ACAD11: variants seen among roughly 807,000 people sequenced by gnomAD.
The protein encoded by ACAD11 is acyl-Coenzyme A dehydrogenase family, member 11.
In ACAD11, 83 loss-of-function variants were observed where a neutral mutation model predicts 102.2. That is an observed-to-expected ratio of 0.81 (90% confidence interval 0.68 to 0.97). The LOEUF (loss-of-function observed/expected upper bound fraction) is 0.97, where lower values mean the gene tolerates loss of function less well. ACAD11 is among the 50% of genes least tolerant of loss of function. ACAD11 has a pLI of 0.00. For missense variants in ACAD11, 901 were observed against 951.7 expected, an observed-to-expected ratio of 0.95 and a Z score of 0.70; for synonymous variants, 324 against 319.8, an observed-to-expected ratio of 1.01 and a Z score of -0.14.
At chr3:132,619,429 A>G (rs1939528857) in intron 10 of ACAD11, 39 bp downstream of exon 10, 1 of 1,419,196 alleles carries the variant, frequency 7.0e-7, no homozygotes, top group South Asian at 1.3e-5. Flanking sequence ...CTCAAAAAAC[A>G]CTTGCATATG....
chr3:132,597,727 T>G (rs1421838962), intron 13 of ACAD11, among the ~76,000 whole-genome samples: 3 of 152,104 alleles, frequency 2.0e-5, no homozygotes, highest in African/African-American at 4.8e-5. Flanking sequence ...TTTACTCACA[T>G]TTTTAGTAAG....
At chr3:132,631,240 A>C in intron 6 of ACAD11, 101 bp downstream of exon 6, 1 of 637,630 alleles carries the variant, frequency 1.6e-6, no homozygotes, top group Middle Eastern at 4.7e-4. Flanking sequence ...TTTAAGAAAC[A>C]AAAACTATTA....
At chr3:132,641,248 A>G (rs2107883515) in intron 4 of ACAD11, among the ~76,000 whole-genome samples, 1 of 152,230 alleles carries the variant, frequency 6.6e-6, no homozygotes, top group South Asian at 2.1e-4. Flanking sequence ...CCAATTGAGA[A>G]AGAAAAAACT....
intron 5 of ACAD11, among the ~76,000 whole-genome samples, chr3:132,634,658 A>G (rs576028881): frequency 8.6e-4 from 131 of 152,292 alleles, no homozygotes; most frequent in African/African-American, 3.0e-3. Context: ...AACCAACCCA[A>G]ATATCCAATA....
intron 1 of ACAD11, chr3:132,646,406 A>C (rs185937326): frequency 6.6e-6 from 1 of 152,284 alleles, no homozygotes; most frequent in East Asian, 1.9e-4. Flanking sequence ...GCAACAATGA[A>C]TCTTACAAAC....
At chr3:132,569,414 T>TC (rs1230303893) in intron 17 of ACAD11, among the ~76,000 whole-genome samples, 1 of 152,030 alleles carries the variant, frequency 6.6e-6, no homozygotes, top group Non-Finnish European at 1.5e-5. Context: ...CTCAGCAGTT[T>TC]CCAAAAAAAA....
chr3:132,611,579 A>C (rs1037545849), intron 11 of ACAD11, among the ~76,000 whole-genome samples: 1 of 152,130 alleles, frequency 6.6e-6, no homozygotes, highest in African/African-American at 2.4e-5. Flanking sequence ...ATACACCAAT[A>C]ACAGAGAAAC....
intron 17 of ACAD11, among the ~76,000 whole-genome samples, chr3:132,562,041 G>A (rs941097454): frequency 1.3e-5 from 2 of 152,154 alleles, no homozygotes; most frequent in Admixed American, 1.3e-4. Context: ...TCCATTGTAA[G>A]TATGTATCAG....
At chr3:132,584,029 T>C (rs1937682572) in intron 13 of ACAD11, among the ~76,000 whole-genome samples, 2 of 152,184 alleles carry the variant, frequency 1.3e-5, no homozygotes, top group South Asian at 4.1e-4. Flanking sequence ...AAAGAATGTA[T>C]ATTCTGTTGA....
Position 132,641,984 on chromosome 3 carries a change from G to A in ACAD11, c.525C>T (p.Tyr175=). 2 of 1,603,922 alleles carry A rather than the reference G, an allele frequency of 1.2e-6. No homozygotes were observed. Among genetic ancestry groups the A allele is most frequent in the Non-Finnish European group, 1.7e-6 (2 of 1,174,364 alleles). ...QLEGYGIGAG[Y]CKRQVSTWTK... ...GTGGATGCATTACCTGTCTTTTGCA[G>A]TACCCAGCACCTATACCATATCCTT... Residue 175 remains tyrosine (Y), a synonymous_variant, in exon 4 of 20, where the codon TAC becomes TAT. Coordinates refer to ENST00000264990, the MANE Select transcript of ACAD11 (RefSeq NM_032169.5).
intron 11 of ACAD11, among the ~76,000 whole-genome samples, chr3:132,608,053 T>C (rs1938926855): frequency 6.6e-6 from 1 of 152,112 alleles, no homozygotes; most frequent in Non-Finnish European, 1.5e-5. Flanking sequence ...AATAAAATCC[T>C]TTACAGACAA....
At chr3:132,644,939 G>A in intron 1 of ACAD11, 43 bp from the exon 2 acceptor site, 2 of 1,212,684 alleles carry the variant, frequency 1.6e-6, no homozygotes, top group Non-Finnish European at 2.4e-6. Flanking sequence ...ACAAAGATAT[G>A]TTTTCCGTCA....
At chr3:132,628,664 A>C (rs189485120) in intron 7 of ACAD11, among the ~76,000 whole-genome samples, 2 of 152,286 alleles carry the variant, frequency 1.3e-5, no homozygotes, top group Admixed American at 1.3e-4. Flanking sequence ...TCCTAACATA[A>C]TTCTAATTTA....
At chr3:132,597,683 A>T (rs1183430007) in intron 13 of ACAD11, among the ~76,000 whole-genome samples, 1 of 151,948 alleles carries the variant, frequency 6.6e-6, no homozygotes, top group East Asian at 1.9e-4. Context: ...TGCCGGAAGG[A>T]TCATTTCTGC....
intron 9 of ACAD11, among the ~76,000 whole-genome samples, chr3:132,625,996 G>T (rs1939792081): frequency 6.6e-6 from 1 of 152,110 alleles, no homozygotes; most frequent in Admixed American, 6.6e-5. Flanking sequence ...TAAACAGCCT[G>T]CCCCAACTCC....
At chr3:132,629,355 TCA>T (rs1362330666) in intron 7 of ACAD11, among the ~76,000 whole-genome samples, 1 of 152,162 alleles carries the variant, frequency 6.6e-6, no homozygotes, top group African/African-American at 2.4e-5. Context: ...ATACGGGGTT[TCA>T]CCATGTTGGC....
chr3:132,561,281 AAC>A (rs1937049124), intron 17 of ACAD11, 64 bp from the exon 18 acceptor site: 2 of 1,175,624 alleles, frequency 1.7e-6, no homozygotes, highest in Non-Finnish European at 1.3e-6. Flanking sequence ...GTCCACGTGT[AAC>A]ACAGTCTTAT....
chr3:132,620,722 A>T (rs1336389686), intron 9 of ACAD11, among the ~76,000 whole-genome samples: 1 of 152,224 alleles, frequency 6.6e-6, no homozygotes, highest in Non-Finnish European at 1.5e-5. Context: ...AGGAAAGGAA[A>T]ACCATAGAGA....
intron 13 of ACAD11, among the ~76,000 whole-genome samples, chr3:132,594,091 A>G (rs1256198177): frequency 6.6e-6 from 1 of 152,198 alleles, no homozygotes; most frequent in East Asian, 1.9e-4. Context: ...TTCATACACT[A>G]TGATTTATAC....
Sources: allele counts gnomAD v4.1 joint callset (sites outside exome capture counted in the v4.1 genomes callset), GRCh38; gene constraint gnomAD v4.1.1; transcripts MANE v1.5; gene names NCBI Gene and HGNC (gene_info 2026-07-23, HGNC 2026-07-21).